Variants in GRAMD1C observed in about 807,000 individuals in gnomAD.
The protein encoded by GRAMD1C is GRAM domain containing 1C.
In GRAMD1C, 89 loss-of-function variants were observed where a neutral mutation model predicts 97.8. The ratio of observed to expected loss-of-function variants is 0.91; its 90% CI spans 0.77 to 1.09. GRAMD1C has a LOEUF of 1.09. Ranked by LOEUF, GRAMD1C falls within the 50% of genes least tolerant of loss-of-function variation. The probability of loss-of-function intolerance (pLI) is 0.00; values close to 1 mark genes in which losing one functional copy is unlikely to be tolerated. For synonymous variants in GRAMD1C, 256 were observed against 267.0 expected (o/e 0.96, Z 0.40); for missense variants, 740 against 766.4 (o/e 0.97, Z 0.41).
Position 113,875,499 on chromosome 3 carries a change from T to A in GRAMD1C, c.275T>A (p.Leu92His). Residue 92 changes from leucine to histidine, a missense_variant, in exon 4 of 18, where the codon CTT becomes CAT. Transcript: ENST00000358160. The stretch of plus-strand genomic sequence containing the variant: ...GTGTATATAGATTATGCTTGTGCTC[T>A]TCAGAGGGACATTTTGCTTCAGGGA... ...ERLIADYACALQRDILLQGRL... is the reference protein window; with the variant it reads ...ERLIADYACAHQRDILLQGRL... The A allele has an allele frequency of 6.8e-7, 1 of 1,479,024 alleles. No homozygotes were observed. The highest frequency in any genetic ancestry group is 9.5e-7 in the Non-Finnish European group (1 of 1,055,376). 91.6% of individuals were successfully genotyped at this position (1,479,024 alleles called of 1,614,324 possible). A position where few individuals can be genotyped will look rare whatever the true frequency, so the allele number is the denominator to read the frequency against.
At chr3:113,898,678 A>G (rs1360910501) in intron 6 of GRAMD1C, among the ~76,000 whole-genome samples, 1 of 152,134 alleles carries the variant, frequency 6.6e-6, no homozygotes, top group Non-Finnish European at 1.5e-5. Flanking sequence ...ACTACTTGTT[A>G]GATATATATT....
At chr3:113,830,859 G>A (rs1479325739) in intron 1 of GRAMD1C, among the ~76,000 whole-genome samples, 26 of 152,298 alleles carry the variant, frequency 1.7e-4, no homozygotes, top group African/African-American at 5.8e-4. Flanking sequence ...AGCACTTTGG[G>A]AGGCCAAGGC....
At chr3:113,876,903 A>C (rs1263187277) in intron 5 of GRAMD1C, among the ~76,000 whole-genome samples, 1 of 151,846 alleles carries the variant, frequency 6.6e-6, no homozygotes, top group Non-Finnish European at 1.5e-5. Flanking sequence ...AGAAAAAGAG[A>C]CAGGGAGAGT....
intron 1 of GRAMD1C, among the ~76,000 whole-genome samples, chr3:113,830,855 T>C (rs1247800788): frequency 1.3e-5 from 2 of 152,132 alleles, no homozygotes; most frequent in African/African-American, 4.8e-5. Context: ...TCCCAGCACT[T>C]TGGGAGGCCA....
chr3:113,942,748 G>T (rs964506883), intron 17 of GRAMD1C, among the ~76,000 whole-genome samples: 2 of 152,084 alleles, frequency 1.3e-5, no homozygotes, highest in Non-Finnish European at 2.9e-5. Flanking sequence ...TATCCTGCAC[G>T]GAAAATAAAA....
rs1933819077 is a variant in GRAMD1C at position 113,850,010 on chromosome 3, C to T, written c.174+5361C>T. ...CTCCCTCCCGGACGGGGTGGCTGGC[C>T]GGGCGGGGGGCTGACCCCCCACCTC... On this transcript the variant is annotated intron_variant, in intron 2 of 17. Coordinates refer to ENST00000358160, the MANE Select transcript of GRAMD1C (RefSeq NM_017577.5). Among the ~76,000 whole-genome samples, 4 of 120,232 alleles carry T rather than the reference C, an allele frequency of 3.3e-5. No homozygotes were observed. The South Asian group carries it at 1.1e-3, about 32-fold the overall frequency. 78.9% of individuals were successfully genotyped at this position (120,232 alleles called of 152,430 possible). A position where few individuals can be genotyped will look rare whatever the true frequency, so the allele number is the denominator to read the frequency against.
chr3:113,857,399 G>A (rs1248036848), intron 2 of GRAMD1C, among the ~76,000 whole-genome samples: 4 of 148,518 alleles, frequency 2.7e-5, no homozygotes, highest in Non-Finnish European at 4.5e-5. Context: ...TTTTTGAGAC[G>A]GAGTCTTGCT....
At chr3:113,875,397 G>T in intron 3 of GRAMD1C, 87 bp from the exon 4 acceptor site, 1 of 680,844 alleles carries the variant, frequency 1.5e-6, no homozygotes, top group South Asian at 1.8e-5. Flanking sequence ...AAAAAGTGAT[G>T]ACTTTCCATC....
chr3:113,866,831 A>G (rs947341893), intron 2 of GRAMD1C, among the ~76,000 whole-genome samples: 3 of 130,908 alleles, frequency 2.3e-5, no homozygotes, highest in African/African-American at 8.7e-5. Flanking sequence ...GTAGACCCTT[A>G]TGTCTTTTTT....
At chr3:113,917,957 C>A (rs1238409788) in intron 10 of GRAMD1C, among the ~76,000 whole-genome samples, 1 of 148,130 alleles carries the variant, frequency 6.8e-6, no homozygotes, top group Non-Finnish European at 1.5e-5. Flanking sequence ...CCTGCCTTGG[C>A]CTCCCAAAGA....
In GRAMD1C at chr3:113,922,874, C is replaced by T. The variant is rs567856715; in HGVS notation, c.1090+7036C>T. 2.6e-5 allele frequency among the ~76,000 whole-genome samples: 4 copies of T among 152,296 alleles called. No individual in the cohort carries two copies. In the South Asian group the frequency reaches 8.3e-4, roughly 32 times the overall value. On this transcript the variant is annotated intron_variant, in intron 10 of 17. Coordinates refer to ENST00000358160, the MANE Select transcript of GRAMD1C (RefSeq NM_017577.5). Reference sequence around the variant, plus strand: ...CTATAAATTGCTTTGGCATTATGAACATTTTAACAATATTGATTCTTCCTA... The same window carrying T: ...CTATAAATTGCTTTGGCATTATGAATATTTTAACAATATTGATTCTTCCTA...
intron 8 of GRAMD1C, among the ~76,000 whole-genome samples, chr3:113,904,806 A>T (rs554176688): frequency 6.6e-6 from 1 of 152,234 alleles, no homozygotes; most frequent in African/African-American, 2.4e-5. Context: ...TTTCTCAAGT[A>T]TCATTGTAAG....
chr3:113,892,651 T>A (rs908977148), intron 6 of GRAMD1C, among the ~76,000 whole-genome samples: 2 of 152,210 alleles, frequency 1.3e-5, no homozygotes, highest in East Asian at 3.8e-4. Flanking sequence ...TTCAGCTTAG[T>A]TCACAGTCTG....
chr3:113,838,877 C>A lies in GRAMD1C; in HGVS notation c.-33C>A. 8.1e-7 allele frequency: 1 copy of A among 1,228,232 alleles called. No individual in the cohort carries two copies. 76.1% of individuals were successfully genotyped at this position (1,228,232 alleles called of 1,614,324 possible). ...GCGGGGCGGTGCGGTGCGGTGCGCGCGGGGCGGTGCCGCGGCGGCGGAGGG... is the reference window on the plus strand; with the variant it reads ...GCGGGGCGGTGCGGTGCGGTGCGCGAGGGGCGGTGCCGCGGCGGCGGAGGG... On this transcript the variant is annotated 5_prime_UTR_variant, in exon 1 of 18. Coordinates refer to ENST00000358160, the MANE Select transcript of GRAMD1C (RefSeq NM_017577.5).
intron 9 of GRAMD1C, among the ~76,000 whole-genome samples, chr3:113,913,804 T>C (rs957199829): frequency 6.6e-6 from 1 of 152,202 alleles, no homozygotes; most frequent in Admixed American, 6.6e-5. Context: ...GTGTTTTTAC[T>C]TTTTTAAAGT....
intron 9 of GRAMD1C, among the ~76,000 whole-genome samples, chr3:113,910,605 C>G (rs953795376): frequency 6.6e-6 from 1 of 152,120 alleles, no homozygotes; most frequent in Non-Finnish European, 1.5e-5. Context: ...AATAGCAGTC[C>G]TTCTTGACCA....
chr3:113,860,859 G>A (rs190140341), intron 2 of GRAMD1C, among the ~76,000 whole-genome samples: 118 of 151,680 alleles, frequency 7.8e-4, no homozygotes, highest in African/African-American at 1.7e-3. Flanking sequence ...CCAGCTACTC[G>A]GGACGCTGAG....
intron 6 of GRAMD1C, among the ~76,000 whole-genome samples, chr3:113,892,982 G>A (rs1317016062): frequency 2.0e-5 from 3 of 151,922 alleles, no homozygotes; most frequent in Non-Finnish European, 4.4e-5. Flanking sequence ...AATATTTCAT[G>A]ACATGTGGCA....
rs896940777 is a variant in GRAMD1C, at chr3:113,856,539, G to T, written c.174+11890G>T. Among the ~76,000 whole-genome samples, 141 of 151,898 alleles carry T rather than the reference G, an allele frequency of 9.3e-4. 1 individual carries two copies. Among genetic ancestry groups the T allele is most frequent in the Admixed American group, 2.7e-3 (41 of 15,220 alleles). ...TTTATTTCTTTATGTATGTATGTATGTATGTATTTATTTATTTAGAGACAG... is the reference window on the plus strand; with the variant it reads ...TTTATTTCTTTATGTATGTATGTATTTATGTATTTATTTATTTAGAGACAG... On this transcript the variant is annotated intron_variant, in intron 2 of 17. Transcript: ENST00000358160.
Sources: allele counts gnomAD v4.1 joint callset (sites outside exome capture counted in the v4.1 genomes callset), GRCh38; gene constraint gnomAD v4.1.1; transcripts MANE v1.5; gene names NCBI Gene and HGNC (gene_info 2026-07-23, HGNC 2026-07-21).